Variants in PLCZ1 observed in about 807,000 individuals in gnomAD.
PLCZ1 encodes phospholipase C zeta 1, also known as 1-phosphatidylinositol 4,5-bisphosphate phosphodiesterase zeta-1.
In PLCZ1, 64 loss-of-function variants were observed where a neutral mutation model predicts 76.8. The ratio of observed to expected loss-of-function variants is 0.83; its 90% CI spans 0.68 to 1.03. The LOEUF is 1.03. Among genes scored for constraint, PLCZ1 ranks in the 50% least tolerant of loss-of-function variants. The pLI, the probability that PLCZ1 is intolerant of heterozygous loss-of-function variation, is 0.00. For missense variants in PLCZ1, 751 were observed against 713.7 expected (o/e 1.05, Z -0.60); for synonymous variants, 248 against 230.8 (o/e 1.07, Z -0.68).
the PLCZ1 span, among the ~76,000 whole-genome samples, chr12:18,663,532 C>T: frequency 6.6e-6 from 1 of 151,928 alleles, no homozygotes; most frequent in South Asian, 2.1e-4. Context: ...ATTTTGATAT[C>T]CATAGGAGGT....
chr12:18,704,412 G>A (rs560014992), intron 7 of PLCZ1, among the ~76,000 whole-genome samples: 28 of 152,028 alleles, frequency 1.8e-4, no homozygotes, highest in South Asian at 6.3e-4. Context: ...TGTAACCCCC[G>A]CCTCCCGGGT....
intron 5 of PLCZ1, among the ~76,000 whole-genome samples, chr12:18,717,373 T>C (rs1316291857): frequency 6.6e-6 from 1 of 152,178 alleles, no homozygotes. Flanking sequence ...GATTTGAAAT[T>C]AGAGAAGCAG....
chr12:18,683,561 G>T (rs558409365), intron 14 of PLCZ1: 23 of 1,482,378 alleles, frequency 1.6e-5, no homozygotes, highest in Non-Finnish European at 3.6e-6. Flanking sequence ...TCCGCAAAGC[G>T]CTGCATGATC....
chr12:18,686,315 T>C (rs1953145534), intron 13 of PLCZ1, among the ~76,000 whole-genome samples: 1 of 152,054 alleles, frequency 6.6e-6, no homozygotes, highest in South Asian at 2.1e-4. Flanking sequence ...AAAGTCTGAA[T>C]TTTATCCATT....
At chr12:18,718,012 A>G (rs541233923) in intron 5 of PLCZ1, among the ~76,000 whole-genome samples, 1 of 152,206 alleles carries the variant, frequency 6.6e-6, no homozygotes, top group Admixed American at 6.6e-5. Flanking sequence ...AAGGGTAAAC[A>G]ACCAAAACTC....
At chr12:18,667,648 C>A in the PLCZ1 span, among the ~76,000 whole-genome samples, 8 of 151,936 alleles carry the variant, frequency 5.3e-5, no homozygotes, top group Non-Finnish European at 1.2e-4. Flanking sequence ...TATTGAAGAC[C>A]CAGTTTGTAC....
the PLCZ1 span, among the ~76,000 whole-genome samples, chr12:18,661,295 G>A: frequency 1.3e-5 from 2 of 151,818 alleles, no homozygotes; most frequent in African/African-American, 4.8e-5. Flanking sequence ...AAACATCCAA[G>A]AAGTTTAACG....
At chr12:18,664,433 A>G in the PLCZ1 span, among the ~76,000 whole-genome samples, 1 of 152,220 alleles carries the variant, frequency 6.6e-6, no homozygotes, top group Non-Finnish European at 1.5e-5. Flanking sequence ...AATATTGTTC[A>G]GCATTGAAAG....
chr12:18,674,297 A>T, the PLCZ1 span, among the ~76,000 whole-genome samples: 4 of 152,178 alleles, frequency 2.6e-5, no homozygotes, highest in African/African-American at 9.7e-5. Context: ...TCATTTCCTG[A>T]ATTTACTCTC....
intron 12 of PLCZ1, chr12:18,692,752 G>T: frequency 5.1e-6 from 6 of 1,172,494 alleles, no homozygotes; most frequent in Non-Finnish European, 7.6e-6. Flanking sequence ...GCTCTCCCAG[G>T]CCAAGGCAAG....
chr12:18,646,418 C>T, the PLCZ1 span, among the ~76,000 whole-genome samples: 2 of 152,162 alleles, frequency 1.3e-5, no homozygotes, highest in African/African-American at 2.4e-5. Flanking sequence ...ATTCGCATAT[C>T]ATATTGTATC....
At chr12:18,664,999 G>A in the PLCZ1 span, among the ~76,000 whole-genome samples, 1 of 110,794 alleles carries the variant, frequency 9.0e-6, no homozygotes, top group African/African-American at 3.6e-5. Context: ...ACACTCTGGG[G>A]ACTGTTGTGG....
chr12:18,647,080 ATTT>A, the PLCZ1 span, among the ~76,000 whole-genome samples: 2 of 151,064 alleles, frequency 1.3e-5, no homozygotes, highest in Non-Finnish European at 3.0e-5. Context: ...CCTTTTTGGT[ATTT>A]TTTTTTGTTT....
the PLCZ1 span, among the ~76,000 whole-genome samples, chr12:18,651,229 T>C: frequency 6.6e-6 from 1 of 152,008 alleles, no homozygotes; most frequent in African/African-American, 2.4e-5. Context: ...TCCCAAAATG[T>C]GCCTTTGTGC....
chr12:18,732,082 T>A (rs1452016365), intron 3 of PLCZ1, among the ~76,000 whole-genome samples: 3 of 152,198 alleles, frequency 2.0e-5, no homozygotes, highest in Non-Finnish European at 4.4e-5. Context: ...GAGATAAGTA[T>A]ACAGCCATGA....
At chr12:18,676,843 A>G in the PLCZ1 span, among the ~76,000 whole-genome samples, 1 of 152,138 alleles carries the variant, frequency 6.6e-6, no homozygotes, top group Non-Finnish European at 1.5e-5. Flanking sequence ...AAACACACAT[A>G]TAAGATTGAT....
chr12:18,659,967 G>GC, the PLCZ1 span, among the ~76,000 whole-genome samples: 1 of 152,078 alleles, frequency 6.6e-6, no homozygotes, highest in Non-Finnish European at 1.5e-5. Flanking sequence ...AAAGAACACT[G>GC]CTAAAGATAA....
intron 3 of PLCZ1, among the ~76,000 whole-genome samples, chr12:18,727,606 A>G (rs1213842305): frequency 1.3e-5 from 2 of 152,166 alleles, no homozygotes; most frequent in Non-Finnish European, 2.9e-5. Flanking sequence ...ATGTTAGTGA[A>G]GCTGCGGGAG....
chr12:18,701,053 C>T (rs1163217480), intron 9 of PLCZ1, among the ~76,000 whole-genome samples: 3 of 151,544 alleles, frequency 2.0e-5, no homozygotes, highest in South Asian at 2.1e-4. Context: ...GGCTCGATCT[C>T]GGCTCACTGC....
Sources: gnomAD v4.1 joint callset for allele counts (sites outside exome capture counted in the v4.1 genomes callset) on GRCh38, gnomAD v4.1.1 for gene constraint, MANE v1.5 for transcripts, NCBI Gene and HGNC (gene_info 2026-07-23, HGNC 2026-07-21) for gene names.